The following TTLL10 variants were observed in gnomAD, a reference collection of about 807,000 sequenced individuals.
The protein encoded by TTLL10 is tubulin tyrosine ligase like 10.
A neutral mutation model predicts 69.0 loss-of-function variants in TTLL10; 61 were observed. The observed-to-expected ratio is 0.88, with a 90% CI of 0.72 to 1.09. The LOEUF is 1.09. TTLL10 is among the 50% of genes least tolerant of loss of function. The pLI, the probability that TTLL10 is intolerant of heterozygous loss-of-function variation, is 0.00. For synonymous variants in TTLL10, 408 were observed against 393.3 expected (o/e 1.04, Z -0.44); for missense variants, 962 against 945.9 (o/e 1.02, Z -0.22).
Position 1,180,845 on chromosome 1 carries a change from G to T in TTLL10, c.740G>T (p.Gly247Val), listed in dbSNP as rs760757061. 1.9e-6 allele frequency: 3 copies of T among 1,575,512 alleles called. No individual in the cohort carries two copies. The African/African-American group carries it at 4.1e-5, about 21-fold the overall frequency. The stretch of plus-strand genomic sequence containing the variant: ...ATGAGCAAGGCCAGCAAGGTGCCGG[G>T]GGGGGTCCAGGCCAGGTGAGTCTGC... ...RAMSKASKVPGGVQARLEKDA... is the reference protein window; with the variant it reads ...RAMSKASKVPVGVQARLEKDA... The change falls in exon 8 of 16, where the codon GGG becomes GTG. Residue 247 changes from glycine (G) to valine (V), a missense_variant. By Grantham distance (109) the Gly-to-Val change is moderately radical. Transcript: ENST00000379289.
Position 1,185,114 on chromosome 1 carries a change from G to A in TTLL10, c.1401+5G>A, listed in dbSNP as rs74046642. The stretch of plus-strand genomic sequence containing the variant: ...TGGGTCTTCACCACCCTCAAGGTGC[G>A]TCCACTGTGCCCTCCAGTCTGGGAG... On this transcript the variant is annotated splice_donor_5th_base_variant and intron_variant, in intron 13 of 15. Coordinates refer to ENST00000379289, the MANE Select transcript of TTLL10 (RefSeq NM_001130045.2). This position sits in a 1 kb window ranked among gnomAD's most constrained non-coding sequence, Gnocchi z 6.1. The A allele has an allele frequency of 5.1e-4, 819 of 1,612,758 alleles. 4 individuals carry two copies. The African/African-American group carries it at 8.9e-3, about 18-fold the overall frequency.
intron 13 of TTLL10, among the ~76,000 whole-genome samples, chr1:1,195,200 A>T (rs1648110297): frequency 6.6e-6 from 1 of 152,200 alleles, no homozygotes; most frequent in Non-Finnish European, 1.5e-5. Context: ...AATGTTGGCC[A>T]GGCTGGTCTC....
chr1:1,197,473 G>A lies in TTLL10; in HGVS notation c.1648G>A (p.Gly550Ser), dbSNP rs530560103. The change falls in exon 16 of 16, where the codon GGC (glycine) becomes AGC (serine). Residue 550 changes from glycine (G) to serine (S), a missense_variant. Gly to Ser is a moderately conservative substitution (Grantham distance 56, BLOSUM62 0). Transcript: ENST00000379289. Reference protein sequence around the residue: ...VLETFRKSLRGQKMLPLLSQR... With the variant: ...VLETFRKSLRSQKMLPLLSQR... ...CGAGACCTTCCGGAAGAGCCTGCGC[G>A]GCCAGAAGATGTTGCCTCTGCTGTC... is the stretch of plus-strand genomic sequence containing the variant. 3.1e-5 allele frequency: 48 copies of A among 1,544,728 alleles called. No individual in the cohort carries two copies. The highest frequency in any genetic ancestry group is 4.8e-5 in the South Asian group (4 of 83,774).
rs1402519705 is a variant in TTLL10 at position 1,179,716 on chromosome 1, G to T, written c.178G>T (p.Ala60Ser). The T allele has an allele frequency of 1.5e-5, 23 of 1,549,954 alleles. No homozygotes were observed. The highest frequency in any genetic ancestry group is 2.0e-5 in the Non-Finnish European group (23 of 1,146,610). The stretch of plus-strand genomic sequence containing the variant: ...GGCCTCACAGCCCGGCCCCTGCCCT[G>T]CACCAGGCCACTGCCCTGTTGGTGA... ...APASQPGPCP[A>S]PGHCPVGPAH... The change falls in exon 5 of 16, where the codon GCA (alanine) becomes TCA (serine). Residue 60 changes from alanine to serine, a missense_variant. Physicochemically the swap from Ala to Ser is moderately conservative, Grantham distance 99. Coordinates refer to ENST00000379289, the MANE Select transcript of TTLL10 (RefSeq NM_001130045.2).
rs1045728147 is a variant in TTLL10, at chr1:1,185,774, G to A, written c.1401+665G>A. The A allele has an allele frequency of 3.5e-5, 34 of 985,340 alleles. No homozygotes were observed. Among genetic ancestry groups the A allele is most frequent in the South Asian group, 4.7e-5 (1 of 21,298 alleles). 61.0% of individuals were successfully genotyped at this position (985,340 alleles called of 1,614,324 possible). A position where few individuals can be genotyped will look rare whatever the true frequency, so the allele number is the denominator to read the frequency against. ...GTGTCACTGTGGCTGGGACGGCAGC[G>A]CTCAGAGGAGCCTCCAGTTACTTTC... On this transcript the variant is annotated intron_variant, in intron 13 of 15. Coordinates refer to ENST00000379289, the MANE Select transcript of TTLL10 (RefSeq NM_001130045.2). This position sits in a 1 kb window ranked among gnomAD's most constrained non-coding sequence, Gnocchi z 6.1.
In TTLL10 at chr1:1,179,706, C is replaced by T. The variant is rs1163137306; in HGVS notation, c.168C>T (p.Gly56=). The T allele has an allele frequency of 3.9e-6, 6 of 1,550,624 alleles. No homozygotes were observed. The Admixed American group carries it at 9.8e-5, about 25-fold the overall frequency. ...ACCCAGCACCGGCCTCACAGCCCGG[C>T]CCCTGCCCTGCACCAGGCCACTGCC... The part of the protein sequence containing the change: ...RLHPAPASQP[G]PCPAPGHCPV... The change falls in exon 5 of 16, where the codon GGC becomes GGT. Residue 56 remains glycine, a synonymous_variant. Transcript: ENST00000379289.
In TTLL10 at chr1:1,184,423, G is replaced by A. The variant is rs78752770; in HGVS notation, c.1260+332G>A. On this transcript the variant is annotated intron_variant, in intron 12 of 15. Coordinates refer to ENST00000379289, the MANE Select transcript of TTLL10 (RefSeq NM_001130045.2). Reference sequence around the variant, plus strand: ...TGGGGTGCGGGTGGGCGTCGGAACCGAGGGGATTCTGAGGCTGTCAGAGGA... The same window carrying A: ...TGGGGTGCGGGTGGGCGTCGGAACCAAGGGGATTCTGAGGCTGTCAGAGGA... Among the ~76,000 whole-genome samples, 402 of 152,356 alleles carry A rather than the reference G, an allele frequency of 2.6e-3. 10 individuals are homozygous for A. The East Asian group carries it at 0.051, about 19-fold the overall frequency.
rs1379316696 is a variant in TTLL10, at chr1:1,174,465, C to T, written c.-52C>T. ...TGTTCATCCTACCGGGGTGCCGTCT[C>T]CTGCCGGTCTTTTCATCTCACCAGG... On this transcript the variant is annotated 5_prime_UTR_variant, in exon 3 of 16. Transcript: ENST00000379289. The T allele has an allele frequency of 2.0e-5, 3 of 152,448 alleles. No individual in the cohort carries two copies. The highest frequency in any genetic ancestry group is 2.9e-5 in the Non-Finnish European group (2 of 68,052). The allele number at this position is 152,448 out of a possible 1,614,324, so 9.4% of individuals were successfully genotyped here. A position where few individuals can be genotyped will look rare whatever the true frequency, so the allele number is the denominator to read the frequency against.
intron 3 of TTLL10, chr1:1,175,850 C>T (rs568787912): frequency 1.7e-5 from 6 of 358,516 alleles, no homozygotes; most frequent in East Asian, 1.1e-4. Context: ...GCCGCTGTGC[C>T]GGTGGAGAGG....
rs1648232673 is a variant in TTLL10 at position 1,196,643 on chromosome 1, A to C, written c.1445A>C (p.Lys482Thr). The change falls in exon 14 of 16, where the codon AAG (lysine) becomes ACG (threonine). Residue 482 changes from lysine (K) to threonine (T), a missense_variant. Transcript: ENST00000379289. Reference sequence around the variant, plus strand: ...ATGGCCCACTGCTTTCTGGCCGCCAAGCCCAAGCTGGACTGCAAGCTGGGT... The same window carrying C: ...ATGGCCCACTGCTTTCTGGCCGCCACGCCCAAGCTGGACTGCAAGCTGGGT... Reference protein sequence around the residue: ...QIMAHCFLAAKPKLDCKLGYF... With the variant: ...QIMAHCFLAATPKLDCKLGYF... 1 of 1,551,890 alleles carries C rather than the reference A, an allele frequency of 6.4e-7. No individual in the cohort carries two copies. Among genetic ancestry groups the C allele is most frequent in the Admixed American group, 2.0e-5 (1 of 51,000 alleles).
chr1:1,192,880 C>T (rs112113497), intron 13 of TTLL10, among the ~76,000 whole-genome samples: 7 of 146,086 alleles, frequency 4.8e-5, no homozygotes, highest in South Asian at 2.1e-4. Context: ...CTTTGGTTAC[C>T]GTGTGTGGTA....
Position 1,179,732 on chromosome 1 carries a change from C to T in TTLL10, c.194C>T (p.Pro65Leu), listed in dbSNP as rs1156565828. Reference protein sequence around the residue: ...PGPCPAPGHCPVGPAHERPMG... With the variant: ...PGPCPAPGHCLVGPAHERPMG... ...CCCTGCCCTGCACCAGGCCACTGCC[C>T]TGTTGGTGAGGAGGGTCGGAGGGGC... The change falls in exon 5 of 16, where the codon CCT becomes CTT. Residue 65 changes from proline (P) to leucine (L), a missense_variant. Coordinates refer to ENST00000379289, the MANE Select transcript of TTLL10 (RefSeq NM_001130045.2). The T allele has an allele frequency of 6.5e-7, 1 of 1,549,252 alleles. No individual in the cohort carries two copies. The highest frequency in any genetic ancestry group is 8.7e-7 in the Non-Finnish European group (1 of 1,146,376).
At position 1,181,063 on chromosome 1, in the gene TTLL10, C is replaced by T. The variant is rs577854584; in HGVS notation, c.755+203C>T. ...CTGGCCACCTGGGCTCCCAGGCTGGCCCCAGCCCCCACCCGTCAGCACCTG... is the reference window on the plus strand; with the variant it reads ...CTGGCCACCTGGGCTCCCAGGCTGGTCCCAGCCCCCACCCGTCAGCACCTG... On this transcript the variant is annotated intron_variant, in intron 8 of 15. Coordinates refer to ENST00000379289, the MANE Select transcript of TTLL10 (RefSeq NM_001130045.2). The surrounding 1 kb of genome is among the most constrained non-coding windows in gnomAD (Gnocchi z 4.6). 6.9e-6 allele frequency among the ~76,000 whole-genome samples: 1 copy of T among 145,456 alleles called. No homozygotes were observed. The highest frequency in any genetic ancestry group is 1.5e-5 in the Non-Finnish European group (1 of 66,274).
Position 1,180,179 on chromosome 1 carries a change from G to C in TTLL10, c.345G>C (p.Gly115=). ...ERASATPGPP[G]LLNSHRPADS... is the part of the protein sequence containing the mutation. ...CCTCTGCCACACCCGGACCCCCTGG[G>C]CTCCTGAACAGCCACCGGCCTGCAG... Residue 115 remains glycine, a synonymous_variant, in exon 6 of 16, where the codon GGG becomes GGC. Transcript: ENST00000379289. 1 of 1,611,274 alleles carries C rather than the reference G, an allele frequency of 6.2e-7. No individual in the cohort carries two copies. Among genetic ancestry groups the C allele is most frequent in the Non-Finnish European group, 8.5e-7 (1 of 1,179,382 alleles).
chr1:1,183,149 G>A, intron 11 of TTLL10, 102 bp downstream of exon 11: 2 of 1,391,464 alleles, frequency 1.4e-6, no homozygotes, highest in Middle Eastern at 2.6e-4. Context: ...GTCGTGGAAA[G>A]CAGCCGCACC....
chr1:1,180,575 G>A lies in TTLL10; in HGVS notation c.599G>A (p.Arg200Gln), dbSNP rs200394705. 2.3e-5 allele frequency: 35 copies of A among 1,551,802 alleles called. No homozygotes were observed. Among genetic ancestry groups the A allele is most frequent in the African/African-American group, 4.1e-5 (3 of 73,178 alleles). Residue 200 changes from arginine to glutamine, a missense_variant, in exon 7 of 16, where the codon CGA becomes CAA. Physicochemically the swap from Arg to Gln is conservative, Grantham distance 43. Coordinates refer to ENST00000379289, the MANE Select transcript of TTLL10 (RefSeq NM_001130045.2). ...CTGAAGTGGTGTGAGGTCAAGAGCC[G>A]AGACAGCTACGGCAGCTTCCGGGAA... The part of the protein sequence containing the change: ...YTLKWCEVKS[R>Q]DSYGSFREGE...
rs1416851399 is a variant in TTLL10 at position 1,196,632 on chromosome 1, TCTGGCCGCCAAGCCCAAG to T, written c.1439_1456del (p.Ala480_Leu485del). On this transcript the variant is annotated inframe_deletion, in exon 14 of 16. Coordinates refer to ENST00000379289, the MANE Select transcript of TTLL10 (RefSeq NM_001130045.2). ...TGCAGCAGATCATGGCCCACTGCTTTCTGGCCGCCAAGCCCAAGCTGGACTGCAAGCTGGGTTACTTTG... is the reference window on the plus strand; with the variant it reads ...TGCAGCAGATCATGGCCCACTGCTTTCTGGACTGCAAGCTGGGTTACTTTG... 7 of 1,551,792 alleles carry T rather than the reference TCTGGCCGCCAAGCCCAAG, an allele frequency of 4.5e-6. No homozygotes were observed. The highest frequency in any genetic ancestry group is 3.9e-5 in the Admixed American group (2 of 50,998).
rs771603493 is a variant in TTLL10, at chr1:1,179,331, C to T, written c.116C>T (p.Ser39Leu). ...CAGCAGAGGCCTCGGGCTCGAGTCT[C>T]AGGTGAATAGAGCAGCCCTGGGTGG... is the stretch of plus-strand genomic sequence containing the variant. ...RIQQRPRARVSGTIPASRLHP... is the reference protein window; with the variant it reads ...RIQQRPRARVLGTIPASRLHP... Residue 39 changes from serine (S) to leucine (L), a missense_variant and splice_region_variant, in exon 4 of 16, where the codon TCA becomes TTA. Coordinates refer to ENST00000379289, the MANE Select transcript of TTLL10 (RefSeq NM_001130045.2). The T allele has an allele frequency of 9.0e-6, 14 of 1,551,048 alleles. No individual in the cohort carries two copies. The highest frequency in any genetic ancestry group is 1.1e-5 in the Non-Finnish European group (13 of 1,146,770).
rs568144030 is a variant in TTLL10 at position 1,183,899 on chromosome 1, G to A, written c.1089-21G>A. On this transcript the variant is annotated intron_variant, in intron 11 of 15. Coordinates refer to ENST00000379289, the MANE Select transcript of TTLL10 (RefSeq NM_001130045.2). ...GCTGGCCCCGTGGCTCAGCCCAGCA[G>A]CCCCGACATGGTGCCCCCAGGTACA... is the stretch of plus-strand genomic sequence containing the variant. 15 of 1,613,860 alleles carry A rather than the reference G, an allele frequency of 9.3e-6. 1 individual carries two copies. Among genetic ancestry groups the A allele is most frequent in the Middle Eastern group, 1.7e-4 (1 of 6,060 alleles).
Sources: gnomAD v4.1 joint callset for allele counts (sites outside exome capture counted in the v4.1 genomes callset) on GRCh38, gnomAD v4.1.1 for gene constraint, Gnocchi (gnomAD v3.1) non-coding constraint, MANE v1.5 for transcripts, NCBI Gene and HGNC (gene_info 2026-07-23, HGNC 2026-07-21) for gene names.